The following EPHA4 variants were observed in gnomAD, a reference collection of about 807,000 sequenced individuals.
EPHA4 encodes the protein ephrin type-A receptor 4.
EPHA4 carries 19 observed loss-of-function variants against 108.3 expected under a neutral mutation model. The ratio of observed to expected loss-of-function variants is 0.18; its 90% CI spans 0.12 to 0.26. The LOEUF (loss-of-function observed/expected upper bound fraction) is 0.26, where lower values mean the gene tolerates loss of function less well. Among genes scored for constraint, EPHA4 ranks in the 10% least tolerant of loss-of-function variants. EPHA4 has a pLI of 1.00. For missense variants in EPHA4, 917 were observed against 1,254.0 expected (o/e 0.73, Z 4.06); for synonymous variants, 449 against 455.5 (o/e 0.99, Z 0.18).
intron 3 of EPHA4, among the ~76,000 whole-genome samples, chr2:221,508,701 G>A (rs1253573149): frequency 1.3e-5 from 2 of 152,082 alleles, no homozygotes; most frequent in African/African-American, 4.8e-5. Flanking sequence ...CAAATTATGG[G>A]ACAGAGCCTG....
At chr2:221,469,189 T>C (rs1021045463) in intron 5 of EPHA4, among the ~76,000 whole-genome samples, 1 of 152,234 alleles carries the variant, frequency 6.6e-6, no homozygotes, top group Non-Finnish European at 1.5e-5. Flanking sequence ...TTTATGTTGA[T>C]AAAAGGTACT....
At chr2:221,439,660 A>G (rs1449818846) in intron 11 of EPHA4, among the ~76,000 whole-genome samples, 1 of 151,834 alleles carries the variant, frequency 6.6e-6, no homozygotes, top group East Asian at 2.0e-4. Context: ...GCTTGTGACC[A>G]TAGTCTTCTG....
At chr2:221,464,532 G>A (rs1691247278) in intron 5 of EPHA4, among the ~76,000 whole-genome samples, 1 of 152,160 alleles carries the variant, frequency 6.6e-6, no homozygotes, top group Admixed American at 6.6e-5. Context: ...TCTCAAGCTA[G>A]GCAATACCTA....
intron 11 of EPHA4, among the ~76,000 whole-genome samples, chr2:221,440,574 T>G (rs3770193): frequency 2.0e-5 from 3 of 151,120 alleles, no homozygotes; most frequent in East Asian, 1.9e-4. Context: ...CTTCACCTTA[T>G]GCGGAAAATT....
At chr2:221,465,601 T>C (rs558616286) in intron 5 of EPHA4, among the ~76,000 whole-genome samples, 25 of 152,118 alleles carry the variant, frequency 1.6e-4, no homozygotes, top group South Asian at 8.3e-4. Flanking sequence ...CGGTAGTTCA[T>C]GTGACTGAGT....
chr2:221,436,807 A>G (rs995624626), intron 12 of EPHA4, among the ~76,000 whole-genome samples, 199 bp from the exon 13 acceptor site: 1 of 152,214 alleles, frequency 6.6e-6, no homozygotes, highest in African/African-American at 2.4e-5. Flanking sequence ...TTCCTGTGAT[A>G]GATGGAAATT....
At chr2:221,453,745 T>C (rs756646689) in intron 8 of EPHA4, among the ~76,000 whole-genome samples, 22 of 152,238 alleles carry the variant, frequency 1.4e-4, no homozygotes, top group African/African-American at 5.1e-4. Flanking sequence ...TCATAGATTG[T>C]GCATGAAAAG....
At chr2:221,517,549 C>T (rs1693025636) in intron 3 of EPHA4, among the ~76,000 whole-genome samples, 1 of 152,018 alleles carries the variant, frequency 6.6e-6, no homozygotes, top group African/African-American at 2.4e-5. Flanking sequence ...GCCACCTGGA[C>T]CAGGGTGGAG....
At chr2:221,546,748 G>A (rs569121153) in intron 3 of EPHA4, among the ~76,000 whole-genome samples, 3 of 152,242 alleles carry the variant, frequency 2.0e-5, no homozygotes, top group South Asian at 4.1e-4. Flanking sequence ...CATTTAAGAT[G>A]TCCCCATTGT....
chr2:221,505,856 G>C (rs1692615220), intron 3 of EPHA4, among the ~76,000 whole-genome samples: 1 of 152,170 alleles, frequency 6.6e-6, no homozygotes, highest in South Asian at 2.1e-4. Flanking sequence ...CTACTTAGAA[G>C]AATCTGATAC....
chr2:221,542,204 A>C (rs753590975), intron 3 of EPHA4, among the ~76,000 whole-genome samples: 1 of 152,244 alleles, frequency 6.6e-6, no homozygotes, highest in Non-Finnish European at 1.5e-5. Flanking sequence ...ATCTGTGCAA[A>C]CAATTGGAAA....
chr2:221,496,596 T>C (rs72963182), intron 4 of EPHA4, among the ~76,000 whole-genome samples: 57 of 152,276 alleles, frequency 3.7e-4, no homozygotes, highest in Non-Finnish European at 7.4e-4. Context: ...TGTTTAAGTT[T>C]AAAAAAATAC....
At chr2:221,551,806 GATA>G (rs973971684) in intron 3 of EPHA4, among the ~76,000 whole-genome samples, 3 of 152,028 alleles carry the variant, frequency 2.0e-5, no homozygotes, top group Non-Finnish European at 2.9e-5. Flanking sequence ...TTCATGCAAA[GATA>G]ATGTTTTCAC....
intron 8 of EPHA4, among the ~76,000 whole-genome samples, chr2:221,452,659 G>A (rs1037075979): frequency 6.6e-6 from 1 of 152,082 alleles, no homozygotes; most frequent in African/African-American, 2.4e-5. Context: ...TCTAAAAAGT[G>A]ATCCATTGAG....
intron 3 of EPHA4, among the ~76,000 whole-genome samples, chr2:221,503,121 G>T (rs1396743338): frequency 6.6e-6 from 1 of 152,122 alleles, no homozygotes; most frequent in African/African-American, 2.4e-5. Context: ...AAACCCACTG[G>T]GTCCCGCCTG....
chr2:221,480,926 A>G (rs1691798493), intron 5 of EPHA4, among the ~76,000 whole-genome samples: 1 of 152,356 alleles, frequency 6.6e-6, no homozygotes, highest in Non-Finnish European at 1.5e-5. Flanking sequence ...TATTGAGTGC[A>G]CTTACTGAAA....
At chr2:221,543,714 G>C (rs1041586987) in intron 3 of EPHA4, among the ~76,000 whole-genome samples, 2 of 152,088 alleles carry the variant, frequency 1.3e-5, no homozygotes, top group African/African-American at 4.8e-5. Context: ...AAAACACATA[G>C]ATGATTGATA....
In EPHA4 at chr2:221,439,308, T is replaced by C. The variant is rs569610920; in HGVS notation, c.2075-2186A>G. The stretch of plus-strand genomic sequence containing the variant: ...TTCTCAGATTCATTTACCCTCTACA[T>C]ATGTGACCAGGGTTTTCTACTCAAA... On this transcript the variant is annotated intron_variant, in intron 11 of 17. Transcript: ENST00000281821. 1.8e-3 allele frequency among the ~76,000 whole-genome samples: 258 copies of C among 145,388 alleles called. 1 individual carries two copies. The highest frequency in any genetic ancestry group is 3.6e-3 in the Middle Eastern group (1 of 280).
intron 2 of EPHA4, among the ~76,000 whole-genome samples, 189 bp from the exon 3 acceptor site, chr2:221,564,583 T>TG (rs1000333283): frequency 5.9e-5 from 9 of 152,118 alleles, no homozygotes; most frequent in East Asian, 1.9e-4. Context: ...GAAGTTTTTT[T>TG]TTTGTTTGTT....
Sources: gnomAD v4.1 joint callset for allele counts (sites outside exome capture counted in the v4.1 genomes callset) on GRCh38, gnomAD v4.1.1 for gene constraint, MANE v1.5 for transcripts, NCBI Gene and HGNC (gene_info 2026-07-23, HGNC 2026-07-21) for gene names.